CCNY: variants seen among roughly 807,000 people sequenced by gnomAD.
CCNY encodes cyclin Y.
A neutral mutation model predicts 42.8 loss-of-function variants in CCNY; 19 were observed. That is an observed-to-expected ratio of 0.44 (90% CI 0.31 to 0.65). The LOEUF is 0.65. CCNY is among the 30% of genes least tolerant of loss of function. The probability of loss-of-function intolerance (pLI) is 0.07; values close to 1 mark genes in which losing one functional copy is unlikely to be tolerated. For missense variants in CCNY, 370 were observed against 437.3 expected, an observed-to-expected ratio of 0.85 and a Z score of 1.37; for synonymous variants, 165 against 162.7, an observed-to-expected ratio of 1.01 and a Z score of -0.11.
At chr10:35,510,651 C>T (rs1007875754) in intron 3 of CCNY, among the ~76,000 whole-genome samples, 2 of 152,138 alleles carry the variant, frequency 1.3e-5, no homozygotes, top group African/African-American at 2.4e-5. Flanking sequence ...AGTTCATGTA[C>T]GTGCTAGGCA....
At chr10:35,350,073 T>C (rs1172978053) in intron 1 of CCNY, among the ~76,000 whole-genome samples, 2 of 152,204 alleles carry the variant, frequency 1.3e-5, no homozygotes, top group Non-Finnish European at 1.5e-5. Context: ...AAGGGCTGCG[T>C]TGTTCCTTTT....
chr10:35,439,195 G>T (rs1353698791), intron 1 of CCNY, among the ~76,000 whole-genome samples: 1 of 152,122 alleles, frequency 6.6e-6, no homozygotes, highest in Non-Finnish European at 1.5e-5. Context: ...TACTTTCCAA[G>T]CCCTGCCCGC....
At chr10:35,527,159 T>G (rs1195725657) in intron 5 of CCNY, among the ~76,000 whole-genome samples, 1 of 152,222 alleles carries the variant, frequency 6.6e-6, no homozygotes, top group African/African-American at 2.4e-5. Context: ...TTATGGTGCT[T>G]GAGAATTTTG....
intron 1 of CCNY, among the ~76,000 whole-genome samples, chr10:35,375,376 C>T (rs1837029812): frequency 6.6e-6 from 1 of 152,230 alleles, no homozygotes; most frequent in Non-Finnish European, 1.5e-5. Flanking sequence ...CACATCTTCT[C>T]TCTCTGGCTC....
chr10:35,558,938 C>A (rs1841411481), intron 8 of CCNY, among the ~76,000 whole-genome samples: 1 of 152,124 alleles, frequency 6.6e-6, no homozygotes, highest in Non-Finnish European at 1.5e-5. Context: ...GTAGCAAATA[C>A]CTAAAAATGT....
chr10:35,491,120 T>A (rs1252179009), intron 2 of CCNY, among the ~76,000 whole-genome samples: 1 of 152,152 alleles, frequency 6.6e-6, no homozygotes, highest in East Asian at 1.9e-4. Context: ...GGGCTGCCCA[T>A]GCCCTTGCCA....
chr10:35,423,032 A>G (rs1838191406), intron 1 of CCNY, among the ~76,000 whole-genome samples: 1 of 152,202 alleles, frequency 6.6e-6, no homozygotes, highest in African/African-American at 2.4e-5. Flanking sequence ...TGATTTGTGA[A>G]TCTATTTCTA....
At chr10:35,561,842 G>T (rs978283260) in intron 8 of CCNY, among the ~76,000 whole-genome samples, 6 of 152,356 alleles carry the variant, frequency 3.9e-5, no homozygotes, top group Middle Eastern at 3.4e-3. Flanking sequence ...ACTGTACGAC[G>T]AGTGTCACTG....
chr10:35,266,935 T>C (rs1025655346), intron 3 of CCNY, among the ~76,000 whole-genome samples: 4 of 140,362 alleles, frequency 2.8e-5, no homozygotes, highest in African/African-American at 1.1e-4. Flanking sequence ...AATACAAACA[T>C]TAGCTGTGTG....
intron 2 of CCNY, among the ~76,000 whole-genome samples, chr10:35,485,740 C>A (rs72798171): frequency 0.021 from 2,328 of 113,548 alleles, 16 homozygotes; most frequent in African/African-American, 0.052. Context: ...AAAAAAAAAA[C>A]AAAAAAAAAA....
chr10:35,459,066 G>A (rs1399830571), intron 1 of CCNY, among the ~76,000 whole-genome samples: 1 of 152,158 alleles, frequency 6.6e-6, no homozygotes, highest in African/African-American at 2.4e-5. Flanking sequence ...CATGTGGAGG[G>A]AAGCCCACGT....
intron 3 of CCNY, among the ~76,000 whole-genome samples, chr10:35,325,792 A>C (rs1589036799): frequency 6.6e-6 from 1 of 152,080 alleles, no homozygotes; most frequent in African/African-American, 2.4e-5. Context: ...TTTAAAATCA[A>C]CTTTGGTCAG....
At position 35,462,055 on chromosome 10, in the gene CCNY, A is replaced by C. The variant is rs181780906; in HGVS notation, c.155-21349A>C. 2.2e-3 allele frequency among the ~76,000 whole-genome samples: 342 copies of C among 152,326 alleles called. 3 individuals carry two copies. Among genetic ancestry groups the C allele is most frequent in the Non-Finnish European group, 3.3e-3 (223 of 68,036 alleles). ...CACACTCTAAGGCACTCAATTCAGT[A>C]CTGGAGTTTGATCCTAACTCTAGAA... On this transcript the variant is annotated intron_variant, in intron 1 of 9. Transcript: ENST00000374704.
At chr10:35,445,516 G>T (rs962469943) in intron 1 of CCNY, among the ~76,000 whole-genome samples, 1 of 152,220 alleles carries the variant, frequency 6.6e-6, no homozygotes, top group Admixed American at 6.5e-5. Context: ...GAGCTGGAAT[G>T]TGCTGATGGA....
In CCNY at chr10:35,483,342, A is replaced by T. The variant is rs80110890; in HGVS notation, c.155-62A>T. 2.0e-4 allele frequency: 223 copies of T among 1,114,622 alleles called. No individual in the cohort carries two copies. The East Asian group carries it at 5.1e-3, about 26-fold the overall frequency. 69.0% of individuals were successfully genotyped at this position (1,114,622 alleles called of 1,614,324 possible). ...TTAAAGTTGAAAAATAATTGAGTCA[A>T]TCTTGATTCCTCTTAGTTATCAGAT... On this transcript the variant is annotated intron_variant, in intron 1 of 9. Coordinates refer to ENST00000374704, the MANE Select transcript of CCNY (RefSeq NM_145012.6).
chr10:35,364,360 T>TTAACAGAAA (rs1419762033), intron 1 of CCNY, among the ~76,000 whole-genome samples: 2 of 152,244 alleles, frequency 1.3e-5, no homozygotes, highest in African/African-American at 4.8e-5. Context: ...TTGGTCTACA[T>TTAACAGAAA]TAACACCAAT....
chr10:35,362,706 C>T (rs1235471810), intron 1 of CCNY, among the ~76,000 whole-genome samples: 1 of 152,254 alleles, frequency 6.6e-6, no homozygotes, highest in East Asian at 1.9e-4. Context: ...GAGGGTTGCA[C>T]AGCAGCCAGA....
intron 1 of CCNY, among the ~76,000 whole-genome samples, chr10:35,356,933 T>A (rs1836564434): frequency 6.6e-6 from 1 of 152,190 alleles, no homozygotes; most frequent in Admixed American, 6.5e-5. Flanking sequence ...CATTGGTGTC[T>A]GTCCCCTGCC....
At chr10:35,477,921 A>G (rs1386606989) in intron 1 of CCNY, among the ~76,000 whole-genome samples, 22 of 147,206 alleles carry the variant, frequency 1.5e-4, no homozygotes, top group African/African-American at 5.0e-4. Flanking sequence ...CCTTAAGCTG[A>G]TAAGCAACTT....
Sources: gnomAD v4.1 joint callset for allele counts (sites outside exome capture counted in the v4.1 genomes callset) on GRCh38, gnomAD v4.1.1 for gene constraint, MANE v1.5 for transcripts, NCBI Gene and HGNC (gene_info 2026-07-23, HGNC 2026-07-21) for gene names.